SLC35F3: variants seen among roughly 807,000 people sequenced by gnomAD.
SLC35F3 encodes putative thiamine transporter SLC35F3.
SLC35F3 carries 25 observed loss-of-function variants against 49.9 expected under a neutral mutation model. That is an observed-to-expected ratio of 0.50 (90% CI 0.37 to 0.70). The LOEUF (loss-of-function observed/expected upper bound fraction) is 0.70, where lower values mean the gene tolerates loss of function less well. Among genes scored for constraint, SLC35F3 ranks in the 30% least tolerant of loss-of-function variants. The pLI is 0.00. For missense variants in SLC35F3, 525 were observed against 639.8 expected (o/e 0.82, Z 1.94); for synonymous variants, 275 against 265.4 (o/e 1.04, Z -0.35).
At chr1:233,965,555 G>T (rs1265975135) in intron 2 of SLC35F3, among the ~76,000 whole-genome samples, 1 of 152,166 alleles carries the variant, frequency 6.6e-6, no homozygotes, top group Non-Finnish European at 1.5e-5. Context: ...AAGCTATGTG[G>T]CATGGGTTAA....
chr1:234,164,841 T>TG (rs201138910), intron 2 of SLC35F3, among the ~76,000 whole-genome samples: 34 of 20,182 alleles, frequency 1.7e-3, no homozygotes, highest in African/African-American at 3.3e-3. Context: ...GTGATTTGGG[T>TG]GGGGGGGGGG....
intron 3 of SLC35F3, among the ~76,000 whole-genome samples, chr1:234,273,468 G>C (rs986681800): frequency 6.6e-6 from 1 of 152,198 alleles, no homozygotes. Context: ...CAAGAACTTA[G>C]GTTTGTGCTG....
rs939921198 is a variant in SLC35F3, at chr1:234,064,033, T to C, written c.283+158275T>C. 4.6e-5 allele frequency among the ~76,000 whole-genome samples: 7 copies of C among 152,214 alleles called. 1 individual carries two copies. Among genetic ancestry groups the C allele is most frequent in the African/African-American group, 1.7e-4 (7 of 41,448 alleles). ...ACTGTTTGTTTTTATAATTTCACCA[T>C]TTTCACTGGGAAGCATGTCTGTGGA... On this transcript the variant is annotated intron_variant, in intron 2 of 7. Coordinates refer to ENST00000366618, the MANE Select transcript of SLC35F3 (RefSeq NM_173508.4).
At chr1:234,237,613 G>A (rs1303235844) in intron 3 of SLC35F3, among the ~76,000 whole-genome samples, 1 of 152,172 alleles carries the variant, frequency 6.6e-6, no homozygotes, top group Non-Finnish European at 1.5e-5. Flanking sequence ...ATTCCAGCCT[G>A]TTGTTCCTAT....
At chr1:233,986,346 CTCT>C (rs1267873866) in intron 2 of SLC35F3, among the ~76,000 whole-genome samples, 6 of 152,274 alleles carry the variant, frequency 3.9e-5, no homozygotes, top group Admixed American at 6.5e-5. Flanking sequence ...ACATTCAACT[CTCT>C]TCTTCTTTTT....
chr1:234,229,354 A>T (rs1472653134), intron 2 of SLC35F3, among the ~76,000 whole-genome samples: 1 of 152,168 alleles, frequency 6.6e-6, no homozygotes, highest in Admixed American at 6.5e-5. Context: ...GTAATTGTTC[A>T]TATTCCTTTG....
intron 2 of SLC35F3, among the ~76,000 whole-genome samples, chr1:233,936,775 A>G (rs1433324671): frequency 6.6e-6 from 1 of 151,830 alleles, no homozygotes; most frequent in Non-Finnish European, 1.5e-5. Flanking sequence ...TGCAGCCTTG[A>G]CCTCCCAGGC....
At chr1:234,251,705 T>C (rs1363141925) in intron 3 of SLC35F3, among the ~76,000 whole-genome samples, 1 of 152,184 alleles carries the variant, frequency 6.6e-6, no homozygotes, top group Non-Finnish European at 1.5e-5. Flanking sequence ...GAGAACTAGC[T>C]GTTCTACAGG....
chr1:234,181,756 A>T (rs1354811874), intron 2 of SLC35F3, among the ~76,000 whole-genome samples: 1 of 152,158 alleles, frequency 6.6e-6, no homozygotes, highest in African/African-American at 2.4e-5. Flanking sequence ...GTTTGCTTGC[A>T]TTGTGACCTT....
intron 2 of SLC35F3, among the ~76,000 whole-genome samples, chr1:233,959,463 A>T (rs1029800515): frequency 6.6e-6 from 1 of 152,178 alleles, no homozygotes; most frequent in African/African-American, 2.4e-5. Flanking sequence ...GGTAGCAGGC[A>T]TAGGGAGGGT....
chr1:234,101,836 C>T (rs916949620), intron 2 of SLC35F3, among the ~76,000 whole-genome samples: 6 of 152,332 alleles, frequency 3.9e-5, no homozygotes, highest in East Asian at 1.9e-4. Context: ...AGAGATTCTA[C>T]GTCCTTAAGA....
At chr1:234,002,904 T>C (rs892723066) in intron 2 of SLC35F3, among the ~76,000 whole-genome samples, 2 of 152,202 alleles carry the variant, frequency 1.3e-5, no homozygotes, top group Non-Finnish European at 2.9e-5. Flanking sequence ...ACACTATTTA[T>C]TTTCTTGTTT....
chr1:233,909,149 A>T (rs2102781007), intron 2 of SLC35F3, among the ~76,000 whole-genome samples: 1 of 152,254 alleles, frequency 6.6e-6, no homozygotes, highest in East Asian at 1.9e-4. Flanking sequence ...GAGCCACCGC[A>T]CCCAGCCTAG....
intron 2 of SLC35F3, among the ~76,000 whole-genome samples, chr1:234,226,551 TAA>T (rs10547189): frequency 0.12 from 16,555 of 143,224 alleles, 2,645 homozygotes; most frequent in East Asian, 0.79. Flanking sequence ...TACATTAAGT[TAA>T]AAAAAAAAAA....
chr1:234,035,967 C>T (rs961370048), intron 2 of SLC35F3, among the ~76,000 whole-genome samples: 3 of 152,110 alleles, frequency 2.0e-5, no homozygotes, highest in African/African-American at 2.4e-5. Flanking sequence ...CCTTGGCTGT[C>T]CGCTCATACT....
In SLC35F3 at chr1:234,231,812, G is replaced by T; in HGVS notation, c.608+71G>T. ...CATCCAGCGCTGACTCTGCAGAGCT[G>T]CCCCTGGTGGCAGGCGCTGGGATGA... On this transcript the variant is annotated intron_variant, in intron 3 of 7. Coordinates refer to ENST00000366618, the MANE Select transcript of SLC35F3 (RefSeq NM_173508.4). The surrounding 1 kb of genome is among the most constrained non-coding windows in gnomAD (Gnocchi z 5.4). 1.4e-6 allele frequency: 2 copies of T among 1,431,622 alleles called. No individual in the cohort carries two copies. The highest frequency in any genetic ancestry group is 2.6e-5 in the South Asian group (2 of 75,614). 88.7% of individuals were successfully genotyped at this position (1,431,622 alleles called of 1,614,324 possible).
At chr1:234,285,832 A>G (rs919328081) in intron 3 of SLC35F3, among the ~76,000 whole-genome samples, 12 of 152,158 alleles carry the variant, frequency 7.9e-5, no homozygotes, top group Non-Finnish European at 1.6e-4. Flanking sequence ...AAAGCAGCTG[A>G]TCTCATCATG....
intron 2 of SLC35F3, among the ~76,000 whole-genome samples, chr1:234,178,461 G>GAAAAAA (rs35770557): frequency 7.1e-6 from 1 of 140,984 alleles, no homozygotes; most frequent in Non-Finnish European, 1.5e-5. Context: ...CTCTCCTAAG[G>GAAAAAA]AAAAAAAAAA....
At chr1:234,288,216 G>A (rs1401189153) in intron 3 of SLC35F3, among the ~76,000 whole-genome samples, 3 of 152,052 alleles carry the variant, frequency 2.0e-5, no homozygotes, top group Non-Finnish European at 4.4e-5. Context: ...TAACCCAAAC[G>A]TCAAGTGCAG....
Sources: gnomAD v4.1 joint callset for allele counts (sites outside exome capture counted in the v4.1 genomes callset) on GRCh38, gnomAD v4.1.1 for gene constraint, Gnocchi (gnomAD v3.1) non-coding constraint, MANE v1.5 for transcripts, NCBI Gene and HGNC (gene_info 2026-07-23, HGNC 2026-07-21) for gene names.